MOSMO: variants seen among roughly 807,000 people sequenced by gnomAD.
The protein encoded by MOSMO is modulator of smoothened protein.
In MOSMO, 5 loss-of-function variants were observed where a neutral mutation model predicts 18.4. That is an observed-to-expected ratio of 0.27 (90% CI 0.14 to 0.57). MOSMO has a LOEUF of 0.57. MOSMO is among the 20% of genes least tolerant of loss of function. The pLI, the probability that MOSMO is intolerant of heterozygous loss-of-function variation, is 0.92. For missense variants in MOSMO, 138 were observed against 211.8 expected (o/e 0.65, Z 2.16); for synonymous variants, 82 against 82.3 (o/e 1.00, Z 0.02).
At chr16:22,046,980 GA>G (rs974057181) in intron 1 of MOSMO, among the ~76,000 whole-genome samples, 1 of 152,080 alleles carries the variant, frequency 6.6e-6, no homozygotes, top group Admixed American at 6.5e-5. Context: ...ATTTTAAAAT[GA>G]AAAGTTAAAA....
intron 1 of MOSMO, among the ~76,000 whole-genome samples, chr16:22,044,093 C>T (rs965150146): frequency 2.0e-5 from 3 of 152,012 alleles, no homozygotes; most frequent in African/African-American, 7.3e-5. Context: ...GGAGGGAACC[C>T]CCCGCCCCCA....
intron 1 of MOSMO, among the ~76,000 whole-genome samples, chr16:22,052,944 T>A (rs1900455013): frequency 6.7e-6 from 1 of 149,106 alleles, no homozygotes; most frequent in African/African-American, 2.4e-5. Flanking sequence ...TAATATTCTC[T>A]CATCTTCTTT....
At chr16:22,021,167 C>T (rs1169563650) in intron 1 of MOSMO, among the ~76,000 whole-genome samples, 1 of 152,124 alleles carries the variant, frequency 6.6e-6, no homozygotes, top group Non-Finnish European at 1.5e-5. Context: ...CATCTGAGCC[C>T]ACGGGAAGGG....
Position 22,008,397 on chromosome 16 carries a change from G to A in MOSMO, c.96G>A (p.Gly32=). ...SIANPDWINT[G]ESAGALTVGL... ...CCAACCCGGACTGGATCAACACCGG[G>A]GAGTCTGCGGGTGAGCCGCTGGCGC... is the stretch of plus-strand genomic sequence containing the variant. Residue 32 remains glycine (G), a synonymous_variant, in exon 1 of 3, where the codon GGG becomes GGA. Transcript: ENST00000542527. 6.5e-7 allele frequency: 1 copy of A among 1,532,610 alleles called. No individual in the cohort carries two copies. The highest frequency in any genetic ancestry group is 8.7e-7 in the Non-Finnish European group (1 of 1,145,264). 94.9% of individuals were successfully genotyped at this position (1,532,610 alleles called of 1,614,324 possible). A position where few individuals can be genotyped will look rare whatever the true frequency, so the allele number is the denominator to read the frequency against.
At chr16:22,010,705 G>T (rs570444063) in intron 1 of MOSMO, among the ~76,000 whole-genome samples, 1 of 151,804 alleles carries the variant, frequency 6.6e-6, no homozygotes, top group African/African-American at 2.4e-5. Flanking sequence ...GATCACCTGA[G>T]GACAGGAGTT....
At chr16:22,089,900 A>G (rs1187849958), downstream of MOSMO, 2 of 151,018 alleles carry the variant, frequency 1.3e-5, no homozygotes, top group Non-Finnish European at 3.0e-5. Context: ...TTTTTTTTTA[A>G]TCTGTCTGGG....
intron 1 of MOSMO, among the ~76,000 whole-genome samples, chr16:22,060,827 C>G (rs941284097): frequency 6.6e-6 from 1 of 151,420 alleles, no homozygotes; most frequent in African/African-American, 2.4e-5. Flanking sequence ...GAGCCGAGAT[C>G]GCATCATTGC....
intron 1 of MOSMO, among the ~76,000 whole-genome samples, chr16:22,034,792 C>G (rs1900074333): frequency 9.1e-6 from 1 of 109,960 alleles, no homozygotes; most frequent in African/African-American, 3.5e-5. Flanking sequence ...GGGTCTCACT[C>G]TGTTGCCCAG....
chr16:22,070,457 C>A (rs895631605), intron 1 of MOSMO, among the ~76,000 whole-genome samples: 1 of 151,624 alleles, frequency 6.6e-6, no homozygotes, highest in Non-Finnish European at 1.5e-5. Context: ...TAGGGAAAGA[C>A]ATGAAGGCAA....
At chr16:22,088,159 G>A (rs1901222998), downstream of MOSMO, among the ~76,000 whole-genome samples, 1 of 151,866 alleles carries the variant, frequency 6.6e-6, no homozygotes, top group African/African-American at 2.4e-5. Context: ...AAGTAGCTGG[G>A]ACTACAGGTG....
At chr16:22,092,450 G>C (rs1320594803), downstream of MOSMO, 3 of 582,090 alleles carry the variant, frequency 5.2e-6, no homozygotes, top group Non-Finnish European at 8.7e-6. Flanking sequence ...GGGTGAGGAA[G>C]GTTTTCCCTT....
chr16:22,086,684 G>A (rs1477822502), downstream of MOSMO, among the ~76,000 whole-genome samples: 3 of 152,152 alleles, frequency 2.0e-5, no homozygotes, highest in Non-Finnish European at 4.4e-5. Context: ...TGGTTTAAAG[G>A]AGATAAAGTT....
At chr16:22,089,757 A>G (rs1203712320), downstream of MOSMO, among the ~76,000 whole-genome samples, 2 of 152,012 alleles carry the variant, frequency 1.3e-5, no homozygotes, top group Non-Finnish European at 2.9e-5. Context: ...TTGGTGAGCT[A>G]GGAACTCCTG....
chr16:22,008,471 C>A, intron 1 of MOSMO, 64 bp downstream of exon 1: 1 of 1,082,982 alleles, frequency 9.2e-7, no homozygotes, highest in Non-Finnish European at 1.2e-6. Flanking sequence ...AGAGGGGAGA[C>A]CCGGACTGAG....
chr16:22,067,271 G>A (rs1446508335), intron 1 of MOSMO, among the ~76,000 whole-genome samples: 1 of 152,116 alleles, frequency 6.6e-6, no homozygotes, highest in Non-Finnish European at 1.5e-5. Context: ...GGGAATTCCT[G>A]AAGAAGAGAG....
downstream of MOSMO, among the ~76,000 whole-genome samples, chr16:22,091,578 ACAGAGTCTCACTGTGTTGCC>A (rs1219484873): frequency 6.6e-6 from 1 of 152,074 alleles, no homozygotes; most frequent in African/African-American, 2.4e-5. Flanking sequence ...TTTTGTAGAG[ACAGAGTCTCACTGTGTTGCC>A]CAAGCTGATC....
At chr16:22,090,222 GATCAAGCC>G (rs1195702017), downstream of MOSMO, 3 of 152,250 alleles carry the variant, frequency 2.0e-5, no homozygotes, top group Admixed American at 1.3e-4. Flanking sequence ...AGAGCCTCCT[GATCAAGCC>G]ATCCTAGAAG....
rs537318352 is a variant in MOSMO at position 22,030,993 on chromosome 16, A to G, written c.106+22586A>G. 3.9e-5 allele frequency among the ~76,000 whole-genome samples: 6 copies of G among 152,314 alleles called. No individual in the cohort carries two copies. The East Asian group carries it at 1.2e-3, about 29-fold the overall frequency. ...CAGTTTTAGTGGGAGATACAATTAA[A>G]CAGTTGACCGGAAGTCAGTAAGAAG... On this transcript the variant is annotated intron_variant, in intron 1 of 2. Coordinates refer to ENST00000542527, the MANE Select transcript of MOSMO (RefSeq NM_001164579.2).
chr16:22,075,862 A>G (rs1464018623), intron 2 of MOSMO, 163 bp downstream of exon 2: 4 of 571,270 alleles, frequency 7.0e-6, no homozygotes, highest in African/African-American at 3.7e-5. Flanking sequence ...CATTTCTTCA[A>G]AACTCTTTCT....
Sources: allele counts gnomAD v4.1 joint callset (sites outside exome capture counted in the v4.1 genomes callset), GRCh38; gene constraint gnomAD v4.1.1; transcripts MANE v1.5; gene names NCBI Gene and HGNC (gene_info 2026-07-23, HGNC 2026-07-21).